The following SORCS3 variants were observed in gnomAD, a reference collection of about 807,000 sequenced individuals.
SORCS3 encodes sortilin related VPS10 domain containing receptor 3.
Under a neutral mutation model 146.3 loss-of-function variants are expected in SORCS3, and 57 were observed. The observed-to-expected ratio is 0.39, with a 90% CI of 0.31 to 0.49. SORCS3 has a LOEUF of 0.49. SORCS3 is among the 20% of genes least tolerant of loss of function. The probability of loss-of-function intolerance (pLI) is 0.92; values close to 1 mark genes in which losing one functional copy is unlikely to be tolerated. For synonymous variants in SORCS3, 653 were observed against 618.5 expected (o/e 1.06, Z -0.83); for missense variants, 1,341 against 1,575.5 (o/e 0.85, Z 2.52).
chr10:105,073,986 C>T (rs1332948297), intron 5 of SORCS3, among the ~76,000 whole-genome samples: 1 of 152,206 alleles, frequency 6.6e-6, no homozygotes, highest in East Asian at 1.9e-4. Flanking sequence ...CACTTTTCCT[C>T]TGCTGCCTGA....
At chr10:104,996,369 T>C (rs966772928) in intron 4 of SORCS3, among the ~76,000 whole-genome samples, 4 of 152,180 alleles carry the variant, frequency 2.6e-5, no homozygotes, top group Non-Finnish European at 5.9e-5. Flanking sequence ...TTCCTTTTAA[T>C]TTGATTCAGT....
chr10:104,749,936 G>A (rs2016963878), intron 1 of SORCS3, among the ~76,000 whole-genome samples: 1 of 152,132 alleles, frequency 6.6e-6, no homozygotes, highest in Non-Finnish European at 1.5e-5. Context: ...CAATGAAAAT[G>A]AGCATTATTC....
intron 1 of SORCS3, among the ~76,000 whole-genome samples, chr10:104,788,517 T>G (rs1189867502): frequency 6.6e-6 from 1 of 152,112 alleles, no homozygotes; most frequent in Non-Finnish European, 1.5e-5. Flanking sequence ...TCTGGGAGAG[T>G]TCATAAGAAA....
chr10:104,649,229 C>T (rs1485358682), intron 1 of SORCS3, among the ~76,000 whole-genome samples: 1 of 152,048 alleles, frequency 6.6e-6, no homozygotes, highest in East Asian at 1.9e-4. Context: ...ATGGATTTTG[C>T]AGCCAGGTGC....
intron 1 of SORCS3, among the ~76,000 whole-genome samples, chr10:104,835,875 C>T (rs2133540824): frequency 6.6e-6 from 1 of 152,334 alleles, no homozygotes; most frequent in East Asian, 1.9e-4. Context: ...AGCAAGCTGG[C>T]ATCCCTTATT....
chr10:105,002,874 A>T (rs776881439), intron 4 of SORCS3, among the ~76,000 whole-genome samples: 2 of 152,230 alleles, frequency 1.3e-5, no homozygotes, highest in African/African-American at 4.8e-5. Context: ...CAATTGGAAC[A>T]GCAAAATAAG....
At chr10:104,827,691 A>T (rs2017953793) in intron 1 of SORCS3, among the ~76,000 whole-genome samples, 1 of 152,166 alleles carries the variant, frequency 6.6e-6, no homozygotes, top group African/African-American at 2.4e-5. Flanking sequence ...GAAGCCAGGC[A>T]TTGAGTTCTC....
chr10:104,808,548 T>TG (rs960993761), intron 1 of SORCS3, among the ~76,000 whole-genome samples: 7 of 152,124 alleles, frequency 4.6e-5, no homozygotes, highest in African/African-American at 1.7e-4. Context: ...GACATTCAGA[T>TG]GGAGGGAAAA....
chr10:104,920,952 T>G (rs1205728105), intron 3 of SORCS3, among the ~76,000 whole-genome samples: 1 of 152,202 alleles, frequency 6.6e-6, no homozygotes, highest in African/African-American at 2.4e-5. Flanking sequence ...ATTAACTCAT[T>G]GCCCAGGTTT....
At chr10:104,697,007 A>G (rs1309153786) in intron 1 of SORCS3, among the ~76,000 whole-genome samples, 1 of 151,552 alleles carries the variant, frequency 6.6e-6, no homozygotes, top group Non-Finnish European at 1.5e-5. Context: ...TGGATACAAA[A>G]TTTCAGTTAT....
At chr10:105,161,912 C>G (rs1222803601) in intron 11 of SORCS3, among the ~76,000 whole-genome samples, 1 of 152,110 alleles carries the variant, frequency 6.6e-6, no homozygotes, top group African/African-American at 2.4e-5. Context: ...CGTGCCAGCT[C>G]CACAGCTAAC....
chr10:105,005,687 A>G (rs1329207486), intron 4 of SORCS3, among the ~76,000 whole-genome samples: 1 of 152,128 alleles, frequency 6.6e-6, no homozygotes, highest in Non-Finnish European at 1.5e-5. Context: ...AGAGCCCTTG[A>G]GCACAGTTCT....
intron 7 of SORCS3, among the ~76,000 whole-genome samples, chr10:105,121,933 G>A (rs2055936748): frequency 6.6e-6 from 1 of 152,110 alleles, no homozygotes; most frequent in Admixed American, 6.5e-5. Flanking sequence ...TTTGGAGTGG[G>A]AGGAGGGGCT....
At chr10:104,734,452 C>G (rs1159758913) in intron 1 of SORCS3, among the ~76,000 whole-genome samples, 1 of 152,196 alleles carries the variant, frequency 6.6e-6, no homozygotes, top group Non-Finnish European at 1.5e-5. Context: ...GGACCTTAGT[C>G]CTGTCTTAAG....
intron 1 of SORCS3, among the ~76,000 whole-genome samples, chr10:104,651,768 G>A (rs534354715): frequency 2.6e-5 from 4 of 151,926 alleles, no homozygotes; most frequent in African/African-American, 7.3e-5. Flanking sequence ...CCGTATTCCC[G>A]GGGTGTTCCT....
At chr10:105,008,100 G>A (rs182863438) in intron 4 of SORCS3, among the ~76,000 whole-genome samples, 2 of 152,022 alleles carry the variant, frequency 1.3e-5, no homozygotes, top group Admixed American at 6.5e-5. Context: ...TTCAGCTTGA[G>A]TAATTCTGGG....
intron 9 of SORCS3, among the ~76,000 whole-genome samples, chr10:105,149,041 A>G (rs935707540): frequency 5.3e-5 from 8 of 152,070 alleles, no homozygotes; most frequent in African/African-American, 9.7e-5. Context: ...CTCTCCTGCC[A>G]CTATGTAAGA....
At chr10:104,665,163 T>G (rs12412809) in intron 1 of SORCS3, 13,538 of 152,266 alleles carry the variant, frequency 0.089, 661 homozygotes, top group Admixed American at 0.13. Context: ...CAGTTATCTC[T>G]ATGCATGTAT....
chr10:104,788,858 TAC>T (rs1207328558), intron 1 of SORCS3, among the ~76,000 whole-genome samples: 3 of 152,130 alleles, frequency 2.0e-5, no homozygotes, highest in African/African-American at 7.2e-5. Context: ...TCGGCTGAGG[TAC>T]AGTTTTACCT....
Sources: allele counts gnomAD v4.1 joint callset (sites outside exome capture counted in the v4.1 genomes callset), GRCh38; gene constraint gnomAD v4.1.1; transcripts MANE v1.5; gene names NCBI Gene and HGNC (gene_info 2026-07-23, HGNC 2026-07-21).